The following PAX5 variants were observed in gnomAD, a reference collection of about 807,000 sequenced individuals.
PAX5 encodes paired box protein Pax-5.
A neutral mutation model predicts 43.7 loss-of-function variants in PAX5; 9 were observed. The ratio of observed to expected loss-of-function variants is 0.21; its 90% CI spans 0.12 to 0.36. The LOEUF is 0.36. PAX5 is among the 10% of genes least tolerant of loss of function. The probability of loss-of-function intolerance (pLI) is 1.00; values close to 1 mark genes in which losing one functional copy is unlikely to be tolerated. For synonymous variants in PAX5, 228 were observed against 214.3 expected (o/e 1.06, Z -0.56); for missense variants, 383 against 532.7 (o/e 0.72, Z 2.77).
intron 5 of PAX5, among the ~76,000 whole-genome samples, chr9:36,984,675 C>T (rs1362762715): frequency 6.6e-6 from 1 of 151,918 alleles, no homozygotes; most frequent in Non-Finnish European, 1.5e-5. Context: ...AGGCTGTTCT[C>T]GAACTCCTGA....
At chr9:36,858,217 G>A (rs1225893544) in intron 8 of PAX5, among the ~76,000 whole-genome samples, 1 of 152,210 alleles carries the variant, frequency 6.6e-6, no homozygotes, top group Non-Finnish European at 1.5e-5. Flanking sequence ...TCAATCCTTG[G>A]CACACAGCAC....
At chr9:37,002,464 T>A (rs1588194118) in intron 5 of PAX5, among the ~76,000 whole-genome samples, 184 bp downstream of exon 5, 1 of 152,234 alleles carries the variant, frequency 6.6e-6, no homozygotes, top group African/African-American at 2.4e-5. Flanking sequence ...CTGCTGCCTG[T>A]CTGTCTTGCG....
intron 5 of PAX5, among the ~76,000 whole-genome samples, chr9:36,980,938 C>T (rs1835857862): frequency 6.6e-6 from 1 of 152,068 alleles, no homozygotes; most frequent in African/African-American, 2.4e-5. Flanking sequence ...GGGTACCCCC[C>T]CAGCAATCCC....
rs111274690 is a variant in PAX5, at chr9:36,854,651, C to T, written c.1013-7722G>A. 1.9e-3 allele frequency among the ~76,000 whole-genome samples: 289 copies of T among 152,268 alleles called. 4 individuals are homozygous for T. In the East Asian group the frequency reaches 0.022, roughly 12 times the overall value. ...CCCCTCGCAGGCCAAGGCTTCTCAC[C>T]GTTCCTCTCTCCACAGCAAGACCTT... is the stretch of plus-strand genomic sequence containing the variant. On this transcript the variant is annotated intron_variant, in intron 8 of 9. Coordinates refer to ENST00000358127, the MANE Select transcript of PAX5 (RefSeq NM_016734.3).
At position 37,015,119 on chromosome 9, in the gene PAX5, C is replaced by T. The variant is rs1278663269; in HGVS notation, c.288G>A (p.Val96=). The change falls in exon 3 of 10, where the codon GTG becomes GTA. Residue 96 remains valine (V), a synonymous_variant. Transcript: ENST00000358127. This position sits in a 1 kb window ranked among gnomAD's most constrained non-coding sequence, Gnocchi z 4.4. ...SKPKVATPKV[V]EKIAEYKRQN... ...GGCGTTTATATTCAGCGATTTTTTCCACCACTTTGGGTGTGGCGACCTTTG... is the reference window on the plus strand; with the variant it reads ...GGCGTTTATATTCAGCGATTTTTTCTACCACTTTGGGTGTGGCGACCTTTG... The T allele has an allele frequency of 6.2e-7, 1 of 1,614,206 alleles. No homozygotes were observed. Among genetic ancestry groups the T allele is most frequent in the Non-Finnish European group, 8.5e-7 (1 of 1,180,036 alleles).
At position 36,840,690 on chromosome 9, in the gene PAX5, A is replaced by G. The variant is rs528730551; in HGVS notation, c.1100-54T>C. 9.0e-5 allele frequency: 102 copies of G among 1,131,356 alleles called. No homozygotes were observed. The East Asian group carries it at 2.6e-3, about 29-fold the overall frequency. The allele number at this position is 1,131,356 out of a possible 1,614,324, so 70.1% of individuals were successfully genotyped here. ...TCAGATCCGGGGTCCCCTTTCCACC[A>G]GTCTCCTCCACTTCTGTCCTTTCCT... is the stretch of plus-strand genomic sequence containing the variant. On this transcript the variant is annotated intron_variant, in intron 9 of 9. Transcript: ENST00000358127.
At chr9:36,877,084 C>A (rs1163842557) in intron 8 of PAX5, among the ~76,000 whole-genome samples, 2 of 152,182 alleles carry the variant, frequency 1.3e-5, no homozygotes, top group East Asian at 3.8e-4. Context: ...TGCCTGTAAT[C>A]CCAACACTTT....
chr9:36,961,818 G>A (rs377112359), intron 6 of PAX5, among the ~76,000 whole-genome samples: 4 of 152,218 alleles, frequency 2.6e-5, no homozygotes, highest in South Asian at 2.1e-4. Flanking sequence ...ACACACGCAC[G>A]CACATACACA....
chr9:36,974,190 C>A (rs889857349), intron 5 of PAX5, among the ~76,000 whole-genome samples: 3 of 151,692 alleles, frequency 2.0e-5, no homozygotes, highest in Non-Finnish European at 4.4e-5. Flanking sequence ...TAAAAAAAAA[C>A]CAAATAATTT....
chr9:36,851,450 G>A (rs770039355), intron 8 of PAX5, among the ~76,000 whole-genome samples: 1 of 152,146 alleles, frequency 6.6e-6, no homozygotes, highest in African/African-American at 2.4e-5. Flanking sequence ...TCCCCACATG[G>A]AAATCAGAGG....
intron 5 of PAX5, among the ~76,000 whole-genome samples, chr9:36,996,087 C>T (rs937020746): frequency 2.0e-5 from 3 of 152,210 alleles, no homozygotes; most frequent in Non-Finnish European, 2.9e-5. Context: ...ACTATGGAAT[C>T]GCTCCGTGGC....
intron 7 of PAX5, among the ~76,000 whole-genome samples, chr9:36,895,562 G>A (rs1158570016): frequency 6.6e-6 from 1 of 152,184 alleles, no homozygotes; most frequent in African/African-American, 2.4e-5. Flanking sequence ...TCCTTAGACT[G>A]CTTAAAAGGA....
intron 6 of PAX5, among the ~76,000 whole-genome samples, chr9:36,959,213 C>A (rs1833753588): frequency 6.6e-6 from 1 of 152,236 alleles, no homozygotes. Flanking sequence ...ATCTTAGAAT[C>A]ATTCTTTCAG....
intron 7 of PAX5, among the ~76,000 whole-genome samples, chr9:36,907,762 G>A (rs1217192814): frequency 1.3e-5 from 2 of 152,184 alleles, no homozygotes; most frequent in African/African-American, 4.8e-5. Context: ...TGTACATCCT[G>A]ACATGTTTCT....
intron 6 of PAX5, among the ~76,000 whole-genome samples, chr9:36,923,691 C>T (rs1830364698): frequency 2.0e-5 from 3 of 152,166 alleles, no homozygotes; most frequent in Admixed American, 2.0e-4. Flanking sequence ...CAATTCTTCC[C>T]AGGAGAGGAG....
intron 7 of PAX5, among the ~76,000 whole-genome samples, chr9:36,909,822 T>TTTG (rs1829113313): frequency 6.9e-6 from 1 of 143,990 alleles, no homozygotes; most frequent in Non-Finnish European, 1.5e-5. Context: ...TAATTTTTTT[T>TTTG]TTTTTTTTTT....
intron 3 of PAX5, 82 bp downstream of exon 3, chr9:37,014,915 T>G: frequency 1.5e-6 from 2 of 1,305,550 alleles, no homozygotes; most frequent in Non-Finnish European, 2.2e-6. Context: ...AGACCAGATC[T>G]TCAGGAAAGG....
intron 7 of PAX5, among the ~76,000 whole-genome samples, chr9:36,904,655 G>A (rs1828675192): frequency 1.3e-5 from 2 of 152,068 alleles, no homozygotes; most frequent in South Asian, 4.1e-4. Context: ...TAATGCATTT[G>A]GGAAGAAATA....
chr9:36,876,847 G>A (rs372595350), intron 8 of PAX5, among the ~76,000 whole-genome samples: 18 of 152,338 alleles, frequency 1.2e-4, no homozygotes, highest in African/African-American at 4.3e-4. Flanking sequence ...GAGCCGGAAG[G>A]AGCAGACAAC....
Sources: gnomAD v4.1 joint callset for allele counts (sites outside exome capture counted in the v4.1 genomes callset) on GRCh38, gnomAD v4.1.1 for gene constraint, Gnocchi (gnomAD v3.1) non-coding constraint, MANE v1.5 for transcripts, NCBI Gene and HGNC (gene_info 2026-07-23, HGNC 2026-07-21) for gene names.